FAM90A1: variants seen among roughly 807,000 people sequenced by gnomAD.
FAM90A1 encodes the protein family with sequence similarity 90 member A1.
FAM90A1 carries 10 observed loss-of-function variants against 14.8 expected under a neutral mutation model. The ratio of observed to expected loss-of-function variants is 0.67; its 90% CI spans 0.42 to 1.14. FAM90A1 has a LOEUF of 1.14. Among genes scored for constraint, FAM90A1 ranks in the 50% most tolerant of loss-of-function variants. The pLI is 0.00. For missense variants in FAM90A1, 567 were observed against 602.8 expected (o/e 0.94, Z 0.62); for synonymous variants, 236 against 248.4 (o/e 0.95, Z 0.47).
In FAM90A1 at chr12:8,224,884, G is replaced by C; in HGVS notation, c.-52C>G. The C allele has an allele frequency of 6.3e-7, 1 of 1,598,786 alleles. No individual in the cohort carries two copies. The highest frequency in any genetic ancestry group is 1.7e-5 in the Admixed American group (1 of 59,980). ...GCCTTTTTCAGGGGTTGATTGTCGG[G>C]TCACCTGAAACACACACAAACACAC... On this transcript the variant is annotated 5_prime_UTR_variant, in exon 4 of 7. Coordinates refer to ENST00000538603, the MANE Select transcript of FAM90A1 (RefSeq NM_018088.3).
In FAM90A1 at chr12:8,221,943, G is replaced by C; in HGVS notation, c.1274C>G (p.Ala425Gly). Residue 425 changes from alanine to glycine, a missense_variant, in exon 7 of 7, where the codon GCT becomes GGT. Coordinates refer to ENST00000538603, the MANE Select transcript of FAM90A1 (RefSeq NM_018088.3). ...HSPEKPGAFL[A>G]QSPHVSEKSE... ...CTTCTCTGAGACATGAGGGCTCTGA[G>C]CGAGGAAGGCTCCCGGCTTCTCAGG... 1 of 1,596,588 alleles carries C rather than the reference G, an allele frequency of 6.3e-7. No individual in the cohort carries two copies. Among genetic ancestry groups the C allele is most frequent in the African/African-American group, 1.3e-5 (1 of 74,998 alleles).
Position 8,222,100 on chromosome 12 carries a change from C to T in FAM90A1, c.1117G>A (p.Ala373Thr). The change falls in exon 7 of 7, where the codon GCC becomes ACC. Residue 373 changes from alanine to threonine, a missense_variant. Physicochemically the swap from Ala to Thr is moderately conservative, Grantham distance 58. Coordinates refer to ENST00000538603, the MANE Select transcript of FAM90A1 (RefSeq NM_018088.3). ...TGATGGGACATGGTGCAGGCCTGGG[C>T]AGTAGGCAGGCAAGGTCTGCTGTGC... ...PPHSRPCLPTAQACTMSHHPA... is the reference protein window; with the variant it reads ...PPHSRPCLPTTQACTMSHHPA... The T allele has an allele frequency of 1.2e-6, 2 of 1,610,682 alleles. No individual in the cohort carries two copies. The highest frequency in any genetic ancestry group is 1.7e-6 in the Non-Finnish European group (2 of 1,179,992).
chr12:8,225,404 A>G (rs368422596), intron 3 of FAM90A1, among the ~76,000 whole-genome samples: 24 of 152,184 alleles, frequency 1.6e-4, no homozygotes, highest in East Asian at 3.9e-4. Flanking sequence ...CCTCTCTACC[A>G]CACTAGCAGG....
At chr12:8,226,928 C>G (rs1479573733) in intron 1 of FAM90A1, among the ~76,000 whole-genome samples, 9 of 151,308 alleles carry the variant, frequency 5.9e-5, no homozygotes, top group Non-Finnish European at 4.4e-5. Flanking sequence ...GCCTCAGCCT[C>G]CCGAGTAGCT....
Position 8,227,461 on chromosome 12 carries a change from G to C in FAM90A1, c.-421+19C>G. On this transcript the variant is annotated intron_variant, in intron 1 of 6. Transcript: ENST00000538603. ...CTGGGTCCACCCAGTGGGCGGTCGG[G>C]TGCCAGGCCAGTGCTTACCCCGCCA... is the stretch of plus-strand genomic sequence containing the variant. 1.7e-6 allele frequency: 1 copy of C among 576,354 alleles called. No homozygotes were observed. The highest frequency in any genetic ancestry group is 2.1e-5 in the South Asian group (1 of 47,520). The allele number at this position is 576,354 out of a possible 1,614,324, so 35.7% of individuals were successfully genotyped here. A position where few individuals can be genotyped will look rare whatever the true frequency, so the allele number is the denominator to read the frequency against.
At chr12:8,223,779 C>A (rs1295316581) in intron 5 of FAM90A1, among the ~76,000 whole-genome samples, 1 of 152,214 alleles carries the variant, frequency 6.6e-6, no homozygotes, top group African/African-American at 2.4e-5. Flanking sequence ...CATCACTTTT[C>A]CCCCTGTCGT....
chr12:8,224,162 G>A lies in FAM90A1; in HGVS notation c.177C>T (p.Cys59=), dbSNP rs1948890749. The A allele has an allele frequency of 1.2e-6, 2 of 1,612,042 alleles. No homozygotes were observed. The highest frequency in any genetic ancestry group is 2.2e-5 in the East Asian group (1 of 44,886). Residue 59 remains cysteine, a synonymous_variant, in exon 5 of 7, where the codon TGC becomes TGT. Coordinates refer to ENST00000538603, the MANE Select transcript of FAM90A1 (RefSeq NM_018088.3). ...AFGHTARSTR[C]PMKCWKAALV... The stretch of plus-strand genomic sequence containing the variant: ...GGGCTGCCTTCCAGCACTTCATGGG[G>A]CACCTGGTACTTCTGGCCGTGTGGC...
At chr12:8,225,562 C>T (rs1220900462) in intron 3 of FAM90A1, among the ~76,000 whole-genome samples, 3 of 151,862 alleles carry the variant, frequency 2.0e-5, no homozygotes, top group Non-Finnish European at 2.9e-5. Context: ...GGCTGAAGGG[C>T]AAACCACCCT....
rs764378608 is a variant in FAM90A1, at chr12:8,224,180, C to G, written c.159G>C (p.Thr53=). Residue 53 remains threonine (T), a synonymous_variant, in exon 5 of 7, where the codon ACG becomes ACC. Transcript: ENST00000538603. The stretch of plus-strand genomic sequence containing the variant: ...TCATGGGGCACCTGGTACTTCTGGC[C>G]GTGTGGCCAAAGGCCTCACAGTTTT... ...KCKNCEAFGH[T]ARSTRCPMKC... The G allele has an allele frequency of 3.1e-6, 5 of 1,611,996 alleles. No individual in the cohort carries two copies. Among genetic ancestry groups the G allele is most frequent in the Non-Finnish European group, 8.5e-7 (1 of 1,179,842 alleles).
intron 4 of FAM90A1, among the ~76,000 whole-genome samples, 196 bp from the exon 5 acceptor site, chr12:8,224,411 T>A (rs765435465): frequency 2.0e-4 from 30 of 152,310 alleles, no homozygotes; most frequent in African/African-American, 6.5e-4. Context: ...GGAGGAACTC[T>A]AAAAGGCAGG....
Position 8,222,409 on chromosome 12 carries a change from A to G in FAM90A1, c.808T>C (p.Cys270Arg). Residue 270 changes from cysteine to arginine, a missense_variant, in exon 7 of 7, where the codon TGC (cysteine) becomes CGC (arginine). Coordinates refer to ENST00000538603, the MANE Select transcript of FAM90A1 (RefSeq NM_018088.3). Reference protein sequence around the residue: ...DKRPAVTSQPCPPAATHSLGL... With the variant: ...DKRPAVTSQPRPPAATHSLGL... Reference sequence around the variant, plus strand: ...AAGCTGTGTGTGGCGGCTGGTGGGCAGGGCTGTGAGGTCACCGCAGGACGT... The same window carrying G: ...AAGCTGTGTGTGGCGGCTGGTGGGCGGGGCTGTGAGGTCACCGCAGGACGT... 2 of 1,611,452 alleles carry G rather than the reference A, an allele frequency of 1.2e-6. No individual in the cohort carries two copies. The highest frequency in any genetic ancestry group is 1.7e-6 in the Non-Finnish European group (2 of 1,179,692).
In FAM90A1 at chr12:8,224,242, G is replaced by A. The variant is rs762359352; in HGVS notation, c.124-27C>T. On this transcript the variant is annotated intron_variant, in intron 4 of 6. Coordinates refer to ENST00000538603, the MANE Select transcript of FAM90A1 (RefSeq NM_018088.3). ...TGTGGGTGGAAAGGAAGTGATGTCA[G>A]TGAGTGAGCTGAAGCCACAGGCACC... The A allele has an allele frequency of 1.0e-5, 16 of 1,585,308 alleles. No homozygotes were observed. The African/African-American group carries it at 1.6e-4, about 16-fold the overall frequency.
chr12:8,224,336 G>C (rs754622740), intron 4 of FAM90A1, 121 bp from the exon 5 acceptor site: 2 of 883,974 alleles, frequency 2.3e-6, no homozygotes, highest in Non-Finnish European at 3.6e-6. Context: ...AGGGGACACC[G>C]GCATGGGGGC....
chr12:8,224,330 G>T, intron 4 of FAM90A1, 115 bp from the exon 5 acceptor site: 1 of 950,856 alleles, frequency 1.1e-6, no homozygotes, highest in Non-Finnish European at 1.6e-6. Flanking sequence ...CCAAAGAGGG[G>T]ACACCGGCAT....
chr12:8,223,788 G>A (rs1393900185), intron 5 of FAM90A1, among the ~76,000 whole-genome samples: 3 of 152,238 alleles, frequency 2.0e-5, no homozygotes, highest in Admixed American at 2.0e-4. Context: ...TCCCCCTGTC[G>A]TGGGGAACCT....
At chr12:8,224,285 G>C in intron 4 of FAM90A1, 70 bp from the exon 5 acceptor site, 1 of 1,293,762 alleles carries the variant, frequency 7.7e-7, no homozygotes, top group Non-Finnish European at 1.1e-6. Context: ...CGTCAACATT[G>C]AGACGGATTG....
chr12:8,222,327 G>A lies in FAM90A1; in HGVS notation c.890C>T (p.Pro297Leu), dbSNP rs1362889210. Residue 297 changes from proline to leucine, a missense_variant, in exon 7 of 7, where the codon CCG becomes CTG. Coordinates refer to ENST00000538603, the MANE Select transcript of FAM90A1 (RefSeq NM_018088.3). ...GGGGAAGTTCAGGCAAGCCTGAATC[G>A]GAGCCGGGGCAGATCTCTTGGCTCC... ...GPGAKRSAPA[P>L]IQACLNFPKK... 29 of 1,611,614 alleles carry A rather than the reference G, an allele frequency of 1.8e-5. No individual in the cohort carries two copies. The highest frequency in any genetic ancestry group is 2.2e-5 in the Non-Finnish European group (26 of 1,179,928).
chr12:8,225,980 T>C lies in FAM90A1; in HGVS notation c.-201A>G, dbSNP rs1948934766. ...CTGCTTTCCAGGCTGCCTTTTATAC[T>C]GCCTCTGGTCACCTGACGTGGAACG... is the stretch of plus-strand genomic sequence containing the variant. On this transcript the variant is annotated 5_prime_UTR_variant, in exon 3 of 7. Coordinates refer to ENST00000538603, the MANE Select transcript of FAM90A1 (RefSeq NM_018088.3). 6.6e-6 allele frequency: 1 copy of C among 152,270 alleles called. No individual in the cohort carries two copies. Among genetic ancestry groups the C allele is most frequent in the African/African-American group, 2.4e-5 (1 of 41,464 alleles). 9.4% of individuals were successfully genotyped at this position (152,270 alleles called of 1,614,324 possible).
In FAM90A1 at chr12:8,225,997, C is replaced by T. The variant is rs375516323; in HGVS notation, c.-213-5G>A. 13 of 152,222 alleles carry T rather than the reference C, an allele frequency of 8.5e-5. No individual in the cohort carries two copies. Among genetic ancestry groups the T allele is most frequent in the African/African-American group, 2.4e-4 (10 of 41,444 alleles). 9.4% of individuals were successfully genotyped at this position (152,222 alleles called of 1,614,324 possible). A position where few individuals can be genotyped will look rare whatever the true frequency, so the allele number is the denominator to read the frequency against. On this transcript the variant is annotated splice_region_variant and splice_polypyrimidine_tract_variant and intron_variant, in intron 2 of 6. Transcript: ENST00000538603. Reference sequence around the variant, plus strand: ...TTTTATACTGCCTCTGGTCACCTGACGTGGAACGTACCCTAACCTAATCAG... The same window carrying T: ...TTTTATACTGCCTCTGGTCACCTGATGTGGAACGTACCCTAACCTAATCAG...
Sources: gnomAD v4.1 joint callset for allele counts (sites outside exome capture counted in the v4.1 genomes callset) on GRCh38, gnomAD v4.1.1 for gene constraint, MANE v1.5 for transcripts, NCBI Gene and HGNC (gene_info 2026-07-23, HGNC 2026-07-21) for gene names.